FHIT: variants seen among roughly 807,000 people sequenced by gnomAD.
The protein encoded by FHIT is bis(5'-adenosyl)-triphosphatase.
Under a neutral mutation model 17.9 loss-of-function variants are expected in FHIT, and 19 were observed. That is an observed-to-expected ratio of 1.06 (90% CI 0.74 to 1.56). The LOEUF (loss-of-function observed/expected upper bound fraction) is 1.56, where lower values mean the gene tolerates loss of function less well. Ranked by LOEUF, FHIT falls within the 40% of genes most tolerant of loss-of-function variation. FHIT has a pLI of 0.00. For synonymous variants in FHIT, 81 were observed against 69.7 expected (o/e 1.16, Z -0.81); for missense variants, 248 against 189.2 (o/e 1.31, Z -1.82).
At chr3:60,491,058 TC>T (rs2034042454) in intron 5 of FHIT, among the ~76,000 whole-genome samples, 1 of 152,148 alleles carries the variant, frequency 6.6e-6, no homozygotes, top group Non-Finnish European at 1.5e-5. Context: ...ACTCAAGCCC[TC>T]CTTGCAGTAC....
At chr3:60,933,590 G>C (rs1191682314) in intron 3 of FHIT, among the ~76,000 whole-genome samples, 1 of 152,118 alleles carries the variant, frequency 6.6e-6, no homozygotes, top group African/African-American at 2.4e-5. Context: ...GTAGGAAGTT[G>C]AATGTTCTTC....
chr3:60,570,774 G>A lies in FHIT; in HGVS notation c.-17-33795C>T, dbSNP rs181730447. ...AAAAAAACTATCTCAAGAGCCTAGC[G>A]CATGTTATGGCACAGTGTTGACAAA... is the stretch of plus-strand genomic sequence containing the variant. On this transcript the variant is annotated intron_variant, in intron 4 of 9. Transcript: ENST00000492590. 9.0e-5 allele frequency among the ~76,000 whole-genome samples: 13 copies of A among 143,994 alleles called. No individual in the cohort carries two copies. In the South Asian group the frequency reaches 9.1e-4, roughly 10 times the overall value. 94.5% of individuals were successfully genotyped at this position (143,994 alleles called of 152,430 possible).
chr3:61,066,166 T>A (rs7624551), intron 2 of FHIT, among the ~76,000 whole-genome samples: 83,448 of 152,050 alleles, frequency 0.55, 24,048 homozygotes, highest in Non-Finnish European at 0.65. Flanking sequence ...CCCATTAACA[T>A]AATAATGACA....
chr3:59,851,857 G>C (rs765942902), intron 8 of FHIT, among the ~76,000 whole-genome samples: 1 of 152,130 alleles, frequency 6.6e-6, no homozygotes, highest in Admixed American at 6.5e-5. Context: ...AATCAGACAC[G>C]ACTTTGCAGT....
intron 5 of FHIT, among the ~76,000 whole-genome samples, chr3:60,503,552 T>C (rs919894075): frequency 6.6e-6 from 1 of 152,282 alleles, no homozygotes; most frequent in Admixed American, 6.6e-5. Flanking sequence ...ATACATTTTA[T>C]ATTGGTTGTG....
chr3:60,146,639 C>T (rs568006148), intron 5 of FHIT, among the ~76,000 whole-genome samples: 34 of 152,254 alleles, frequency 2.2e-4, no homozygotes, highest in African/African-American at 7.9e-4. Flanking sequence ...TACGTTCAAA[C>T]CATTTGGATG....
At chr3:61,219,327 A>ATGTGTATGTGTGTG (rs2039772287) in intron 1 of FHIT, among the ~76,000 whole-genome samples, 1 of 146,890 alleles carries the variant, frequency 6.8e-6, no homozygotes, top group Non-Finnish European at 1.5e-5. Context: ...AAATCTAAAA[A>ATGTGTATGTGTGTG]TGTGTGTGTG....
chr3:61,101,457 CT>C (rs1360180571), intron 2 of FHIT, among the ~76,000 whole-genome samples: 5 of 152,182 alleles, frequency 3.3e-5, no homozygotes, highest in African/African-American at 1.2e-4. Context: ...GTTTTGGTTA[CT>C]GCAGTCTTGT....
intron 2 of FHIT, among the ~76,000 whole-genome samples, chr3:61,058,245 C>T (rs1487262759): frequency 6.6e-6 from 1 of 152,180 alleles, no homozygotes; most frequent in Non-Finnish European, 1.5e-5. Flanking sequence ...CAACAAACTG[C>T]TCTACTCAAC....
intron 5 of FHIT, among the ~76,000 whole-genome samples, chr3:60,262,672 T>C (rs1706363342): frequency 6.6e-6 from 1 of 151,882 alleles, no homozygotes; most frequent in African/African-American, 2.4e-5. Context: ...ATTAGAACTC[T>C]TTTTACCCCT....
At chr3:60,862,184 G>A (rs1559783355) in intron 3 of FHIT, among the ~76,000 whole-genome samples, 1 of 151,828 alleles carries the variant, frequency 6.6e-6, no homozygotes, top group Non-Finnish European at 1.5e-5. Context: ...TTTTGTTTTT[G>A]TTTTTGTTTT....
chr3:61,110,845 T>C (rs1379854294), intron 2 of FHIT, among the ~76,000 whole-genome samples: 2 of 152,066 alleles, frequency 1.3e-5, no homozygotes, highest in Non-Finnish European at 2.9e-5. Context: ...AGTTCTTTAC[T>C]CTTGAAAAAA....
At chr3:61,188,582 T>C (rs2038603939) in intron 2 of FHIT, among the ~76,000 whole-genome samples, 2 of 152,346 alleles carry the variant, frequency 1.3e-5, no homozygotes, top group South Asian at 2.1e-4. Context: ...ACTCATTTTA[T>C]GAGGCCAGCA....
intron 8 of FHIT, among the ~76,000 whole-genome samples, chr3:59,774,855 G>A (rs1042125802): frequency 1.3e-5 from 2 of 152,158 alleles, no homozygotes; most frequent in African/African-American, 4.8e-5. Context: ...CTTGAATGTG[G>A]TTCTATCTGC....
At chr3:59,879,859 C>T (rs1214333717) in intron 8 of FHIT, among the ~76,000 whole-genome samples, 2 of 152,042 alleles carry the variant, frequency 1.3e-5, no homozygotes, top group African/African-American at 4.8e-5. Context: ...TTCTTTAAGA[C>T]TCTTTGGGCC....
At chr3:61,056,268 A>G (rs1468217949) in intron 2 of FHIT, among the ~76,000 whole-genome samples, 1 of 152,134 alleles carries the variant, frequency 6.6e-6, no homozygotes, top group Non-Finnish European at 1.5e-5. Context: ...ACAAAAAGGG[A>G]AAAAAATGAG....
intron 7 of FHIT, among the ~76,000 whole-genome samples, chr3:60,006,553 C>A (rs17061744): frequency 0.017 from 2,520 of 152,078 alleles, 78 homozygotes; most frequent in African/African-American, 0.058. Context: ...ATATCCATGT[C>A]CAAATCCTAG....
chr3:59,843,228 T>G (rs1446007824), intron 8 of FHIT, among the ~76,000 whole-genome samples: 3 of 152,186 alleles, frequency 2.0e-5, no homozygotes, highest in African/African-American at 7.2e-5. Flanking sequence ...ACCACATATG[T>G]GAAGGTTTAC....
chr3:60,012,677 CAT>C (rs1378899349), intron 6 of FHIT, among the ~76,000 whole-genome samples: 1 of 152,066 alleles, frequency 6.6e-6, no homozygotes, highest in Non-Finnish European at 1.5e-5. Flanking sequence ...GCATATATTT[CAT>C]ATATGTGTGT....
Sources: gnomAD v4.1 joint callset for allele counts (sites outside exome capture counted in the v4.1 genomes callset) on GRCh38, gnomAD v4.1.1 for gene constraint, MANE v1.5 for transcripts, NCBI Gene and HGNC (gene_info 2026-07-23, HGNC 2026-07-21) for gene names.